SUGCT: variants seen among roughly 807,000 people sequenced by gnomAD.
SUGCT encodes succinyl-CoA:glutarate-CoA transferase.
SUGCT carries 41 observed loss-of-function variants against 55.0 expected under a neutral mutation model. That is an observed-to-expected ratio of 0.74 (90% confidence interval 0.58 to 0.97). SUGCT has a LOEUF of 0.97. Among genes scored for constraint, SUGCT ranks in the 50% least tolerant of loss-of-function variants. The probability of loss-of-function intolerance (pLI) is 0.00; values close to 1 mark genes in which losing one functional copy is unlikely to be tolerated. For synonymous variants in SUGCT, 187 were observed against 200.4 expected (o/e 0.93, Z 0.56); for missense variants, 568 against 547.8 (o/e 1.04, Z -0.37).
the SUGCT span, among the ~76,000 whole-genome samples, chr7:41,024,893 A>G: frequency 6.6e-6 from 1 of 152,196 alleles, no homozygotes; most frequent in Non-Finnish European, 1.5e-5. Flanking sequence ...TGTTCGTTAA[A>G]AAATAGCAAA....
the SUGCT span, among the ~76,000 whole-genome samples, chr7:40,983,976 C>A: frequency 1.1e-4 from 17 of 152,044 alleles, no homozygotes; most frequent in Admixed American, 8.5e-4. Context: ...CTGTAGGAAC[C>A]AAGGGGGCCT....
the SUGCT span, among the ~76,000 whole-genome samples, chr7:40,923,924 C>T: frequency 9.9e-5 from 15 of 152,092 alleles, no homozygotes; most frequent in Non-Finnish European, 1.9e-4. Context: ...GTGTCCCCCA[C>T]AAATTCATAT....
chr7:40,365,886 CT>C (rs1193717874), intron 9 of SUGCT, among the ~76,000 whole-genome samples: 2 of 152,186 alleles, frequency 1.3e-5, no homozygotes, highest in African/African-American at 4.8e-5. Context: ...CTACCAACGA[CT>C]TTCTTCACAG....
chr7:40,239,560 A>C (rs1789240982), intron 7 of SUGCT, among the ~76,000 whole-genome samples: 1 of 152,210 alleles, frequency 6.6e-6, no homozygotes, highest in South Asian at 2.1e-4. Context: ...GGGATTTAAA[A>C]ATTTCTATAT....
intron 11 of SUGCT, among the ~76,000 whole-genome samples, chr7:40,472,315 G>A (rs553217272): frequency 5.3e-5 from 8 of 152,202 alleles, no homozygotes; most frequent in African/African-American, 1.9e-4. Context: ...ACAAATAAAA[G>A]CTTACTTTGG....
intron 12 of SUGCT, among the ~76,000 whole-genome samples, chr7:40,575,538 C>T (rs761845447): frequency 3.9e-5 from 6 of 152,066 alleles, no homozygotes; most frequent in Non-Finnish European, 7.4e-5. Context: ...TCCCCCCACC[C>T]CACATCTTTT....
At chr7:40,795,484 C>A (rs956172675) in intron 13 of SUGCT, among the ~76,000 whole-genome samples, 1 of 152,026 alleles carries the variant, frequency 6.6e-6, no homozygotes, top group African/African-American at 2.4e-5. Flanking sequence ...AAAATAAAAT[C>A]TTCACGAAAA....
chr7:40,937,255 G>A, the SUGCT span, among the ~76,000 whole-genome samples: 4 of 152,150 alleles, frequency 2.6e-5, no homozygotes, highest in South Asian at 8.3e-4. Flanking sequence ...TGCAACCTCT[G>A]CCTCCCAGGT....
At chr7:40,722,998 G>A (rs1217440880) in intron 12 of SUGCT, among the ~76,000 whole-genome samples, 1 of 152,038 alleles carries the variant, frequency 6.6e-6, no homozygotes, top group Non-Finnish European at 1.5e-5. Context: ...AGCTAGCTTG[G>A]AGTCCAAATA....
At chr7:40,957,348 G>A in the SUGCT span, among the ~76,000 whole-genome samples, 1 of 151,436 alleles carries the variant, frequency 6.6e-6, no homozygotes, top group East Asian at 1.9e-4. Context: ...TCTTCTTGTT[G>A]CATTGATCCC....
chr7:40,553,091 A>G (rs1262932546), intron 12 of SUGCT, among the ~76,000 whole-genome samples: 1 of 152,184 alleles, frequency 6.6e-6, no homozygotes, highest in Non-Finnish European at 1.5e-5. Context: ...TAGTTTGTGG[A>G]AATATTTGGG....
the SUGCT span, among the ~76,000 whole-genome samples, chr7:40,978,348 G>A: frequency 6.6e-6 from 1 of 152,180 alleles, no homozygotes; most frequent in East Asian, 1.9e-4. Flanking sequence ...TGTGTCAGGC[G>A]ACCACAATGT....
At chr7:40,842,685 A>G (rs1269748260) in intron 13 of SUGCT, among the ~76,000 whole-genome samples, 3 of 152,228 alleles carry the variant, frequency 2.0e-5, no homozygotes, top group African/African-American at 7.2e-5. Flanking sequence ...CACAGAACTT[A>G]AAATTGTTCT....
rs188933797 is a variant in SUGCT, at chr7:40,634,873, A to G, written c.1090-114561A>G. Reference sequence around the variant, plus strand: ...TTTTGAAATTAATATGAATGAATACAGCCAATAACTCATCACAAATCTTGT... The same window carrying G: ...TTTTGAAATTAATATGAATGAATACGGCCAATAACTCATCACAAATCTTGT... On this transcript the variant is annotated intron_variant, in intron 12 of 13. Coordinates refer to ENST00000335693, the MANE Select transcript of SUGCT (RefSeq NM_001193313.2). 4.6e-4 allele frequency among the ~76,000 whole-genome samples: 70 copies of G among 152,362 alleles called. 4 individuals carry two copies. In the East Asian group the frequency reaches 8.5e-3, roughly 18 times the overall value.
chr7:40,495,973 G>A (rs986825241), intron 11 of SUGCT, among the ~76,000 whole-genome samples: 1 of 152,018 alleles, frequency 6.6e-6, no homozygotes, highest in Admixed American at 6.6e-5. Flanking sequence ...ATGACTTCAC[G>A]CTCAAAGTAC....
At chr7:40,935,980 T>C in the SUGCT span, among the ~76,000 whole-genome samples, 1 of 152,178 alleles carries the variant, frequency 6.6e-6, no homozygotes, top group Non-Finnish European at 1.5e-5. Context: ...GATGTTCATT[T>C]CACTGATGAT....
At chr7:40,396,639 G>A (rs1483158222) in intron 9 of SUGCT, among the ~76,000 whole-genome samples, 1 of 152,168 alleles carries the variant, frequency 6.6e-6, no homozygotes, top group African/African-American at 2.4e-5. Flanking sequence ...CCCAGGATGT[G>A]GAGAGAAACC....
At chr7:40,862,883 C>G (rs1285749656), downstream of SUGCT, among the ~76,000 whole-genome samples, 4 of 152,032 alleles carry the variant, frequency 2.6e-5, no homozygotes, top group African/African-American at 4.8e-5. Context: ...TACCCAATTA[C>G]TTGGTGTGAG....
At chr7:40,387,292 G>A (rs1785174853) in intron 9 of SUGCT, among the ~76,000 whole-genome samples, 1 of 152,096 alleles carries the variant, frequency 6.6e-6, no homozygotes, top group African/African-American at 2.4e-5. Flanking sequence ...TGCCCTTCCT[G>A]TATGGTCTGA....
Sources: allele counts gnomAD v4.1 joint callset (sites outside exome capture counted in the v4.1 genomes callset), GRCh38; gene constraint gnomAD v4.1.1; transcripts MANE v1.5; gene names NCBI Gene and HGNC (gene_info 2026-07-23, HGNC 2026-07-21).